The following SLC5A1 variants were observed in gnomAD, a reference collection of about 807,000 sequenced individuals.
The protein encoded by SLC5A1 is sodium/glucose cotransporter 1.
A neutral mutation model predicts 73.5 loss-of-function variants in SLC5A1; 42 were observed. The observed-to-expected ratio is 0.57, with a 90% CI of 0.45 to 0.74. The LOEUF is 0.74. Ranked by LOEUF, SLC5A1 falls within the 30% of genes least tolerant of loss-of-function variation. The pLI is 0.00. For missense variants in SLC5A1, 634 were observed against 855.4 expected (o/e 0.74, Z 3.23); for synonymous variants, 300 against 317.4 (o/e 0.95, Z 0.58).
chr22:32,097,212 A>G (rs2094027676), intron 11 of SLC5A1, among the ~76,000 whole-genome samples: 2 of 152,200 alleles, frequency 1.3e-5, no homozygotes, highest in South Asian at 4.1e-4. Flanking sequence ...AACCATTCCA[A>G]ACTCTGCTGT....
In SLC5A1 at chr22:32,081,991, C is replaced by T. The variant is rs757295052; in HGVS notation, c.583+20C>T. The T allele has an allele frequency of 1.3e-6, 2 of 1,502,882 alleles. No homozygotes were observed. Among genetic ancestry groups the T allele is most frequent in the Non-Finnish European group, 1.9e-6 (2 of 1,078,636 alleles). The allele number at this position is 1,502,882 out of a possible 1,614,324, so 93.1% of individuals were successfully genotyped here. On this transcript the variant is annotated intron_variant, in intron 6 of 14. Transcript: ENST00000266088. ...TTACAGGTGAGTCCATTCAAATAAA[C>T]CAGCACCTCAAACCCAGCTCGGGAT...
At chr22:32,083,177 G>A (rs762425753) in intron 7 of SLC5A1, 23 bp downstream of exon 7, 1 of 1,599,666 alleles carries the variant, frequency 6.3e-7, no homozygotes, top group Non-Finnish European at 8.6e-7. Flanking sequence ...AGGGCAGGCT[G>A]AGGAGGTGGG....
At chr22:32,069,397 G>A (rs2093979300) in intron 5 of SLC5A1, among the ~76,000 whole-genome samples, 1 of 152,020 alleles carries the variant, frequency 6.6e-6, no homozygotes, top group African/African-American at 2.4e-5. Context: ...TTGAAAATCA[G>A]AGAAAGATTT....
intron 10 of SLC5A1, 58 bp from the exon 11 acceptor site, chr22:32,091,554 C>T (rs1416617683): frequency 6.3e-7 from 1 of 1,596,812 alleles, no homozygotes; most frequent in Non-Finnish European, 8.6e-7. Context: ...ATATATTTTT[C>T]AAGTACAAAA....
chr22:32,081,854 C>T lies in SLC5A1; in HGVS notation c.478-12C>T, dbSNP rs1447609181. Reference sequence around the variant, plus strand: ...ACTCTCCCTCCTAACTCCGCCTCTCCTCTCCTTCCAGGCAGACATCTTCTC... The same window carrying T: ...ACTCTCCCTCCTAACTCCGCCTCTCTTCTCCTTCCAGGCAGACATCTTCTC... On this transcript the variant is annotated splice_polypyrimidine_tract_variant and intron_variant, in intron 5 of 14. Coordinates refer to ENST00000266088, the MANE Select transcript of SLC5A1 (RefSeq NM_000343.4). The T allele has an allele frequency of 2.5e-6, 4 of 1,590,750 alleles. No individual in the cohort carries two copies. In the East Asian group the frequency reaches 8.9e-5, roughly 36 times the overall value.
chr22:32,075,205 T>A (rs1020677866), intron 5 of SLC5A1, among the ~76,000 whole-genome samples: 17 of 150,188 alleles, frequency 1.1e-4, no homozygotes, highest in Non-Finnish European at 1.5e-4. Context: ...AGCCACCACA[T>A]CTGGCTGGGA....
rs146612147 is a variant in SLC5A1 at position 32,086,213 on chromosome 22, T to C, written c.1022-7T>C. ...GCTTGCTGACGTGGCTCTCCATCTC[T>C]TCCCAGAAAAAATTGCCTGTGTCGT... On this transcript the variant is annotated splice_region_variant and splice_polypyrimidine_tract_variant and intron_variant, in intron 9 of 14. Coordinates refer to ENST00000266088, the MANE Select transcript of SLC5A1 (RefSeq NM_000343.4). The C allele has an allele frequency of 5.6e-6, 9 of 1,595,254 alleles. No individual in the cohort carries two copies. The highest frequency in any genetic ancestry group is 4.5e-5 in the East Asian group (2 of 44,780).
At chr22:32,068,438 C>T in intron 4 of SLC5A1, 58 bp from the exon 5 acceptor site, 2 of 1,026,172 alleles carry the variant, frequency 1.9e-6, no homozygotes, top group Non-Finnish European at 3.1e-6. Context: ...ACTGTTCTGT[C>T]TGCTCTGGGC....
intron 2 of SLC5A1, among the ~76,000 whole-genome samples, chr22:32,054,863 C>G (rs2093949479): frequency 1.3e-5 from 2 of 152,014 alleles, no homozygotes; most frequent in Admixed American, 6.6e-5. Context: ...TTAGTAGAGA[C>G]AGGGTTTCAC....
In SLC5A1 at chr22:32,084,472, T is replaced by A; in HGVS notation, c.698T>A (p.Met233Lys). ...GAAGTGGGAGGCTATGACGCCTTCA[T>A]GGAAAAGTACATGAAAGCCATTCCA... ...FHEVGGYDAF[M>K]EKYMKAIPTI... The change falls in exon 8 of 15, where the codon ATG becomes AAG. Residue 233 changes from methionine (M) to lysine (K), a missense_variant. Physicochemically the swap from Met to Lys is moderately conservative, Grantham distance 95 (BLOSUM62 -1). Transcript: ENST00000266088. The A allele has an allele frequency of 6.2e-7, 1 of 1,614,260 alleles. No individual in the cohort carries two copies. Among genetic ancestry groups the A allele is most frequent in the South Asian group, 1.1e-5 (1 of 91,088 alleles).
In SLC5A1 at chr22:32,110,081, T is replaced by G; in HGVS notation, c.1863T>G (p.Thr621=). 1 of 1,614,062 alleles carries G rather than the reference T, an allele frequency of 6.2e-7. No individual in the cohort carries two copies. Among genetic ancestry groups the G allele is most frequent in the Non-Finnish European group, 8.5e-7 (1 of 1,179,950 alleles). Residue 621 remains threonine (T), a synonymous_variant, in exon 15 of 15, where the codon ACT becomes ACG. Coordinates refer to ENST00000266088, the MANE Select transcript of SLC5A1 (RefSeq NM_000343.4). ...GLEQHGAPKM[T]EEEEKAMKMK... ...AGCAGCACGGTGCACCCAAGATGACTGAGGAAGAGGAGAAAGCCATGAAGA... is the reference window on the plus strand; with the variant it reads ...AGCAGCACGGTGCACCCAAGATGACGGAGGAAGAGGAGAAAGCCATGAAGA...
intron 2 of SLC5A1, among the ~76,000 whole-genome samples, chr22:32,054,400 T>C (rs1456842005): frequency 2.6e-5 from 4 of 152,170 alleles, no homozygotes; most frequent in Non-Finnish European, 2.9e-5. Flanking sequence ...AATAGTTAAG[T>C]GCTCAGAAGA....
At position 32,053,065 on chromosome 22, in the gene SLC5A1, A is replaced by G. The variant is rs927795899; in HGVS notation, c.207+3051A>G. On this transcript the variant is annotated intron_variant, in intron 2 of 14. Coordinates refer to ENST00000266088, the MANE Select transcript of SLC5A1 (RefSeq NM_000343.4). Reference sequence around the variant, plus strand: ...AACTGGAAAAGGAAGCCTTAATCAGAGTTCCCAATTTCAGCCCACACTGGA... The same window carrying G: ...AACTGGAAAAGGAAGCCTTAATCAGGGTTCCCAATTTCAGCCCACACTGGA... Among the ~76,000 whole-genome samples, 67 of 152,192 alleles carry G rather than the reference A, an allele frequency of 4.4e-4. 2 individuals carry two copies. Among genetic ancestry groups the G allele is most frequent in the Admixed American group, 4.4e-3 (67 of 15,274 alleles).
chr22:32,043,403 C>T lies in SLC5A1; in HGVS notation c.122C>T (p.Ala41Val), dbSNP rs986712745. Residue 41 changes from alanine (A) to valine (V), a missense_variant, in exon 1 of 15, where the codon GCC becomes GTC. Ala to Val is a moderately conservative substitution (Grantham distance 64). This residue lies in a region of SLC5A1 where 422 missense variants were observed against 626.1 expected (regional missense o/e 0.67). Coordinates refer to ENST00000266088, the MANE Select transcript of SLC5A1 (RefSeq NM_000343.4). This position sits in a 1 kb window ranked among gnomAD's most constrained non-coding sequence, Gnocchi z 6.5. ...IIVIYFVVVM[A>V]VGLWAMFSTN... ...GTTATCTACTTCGTGGTAGTGATGG[C>T]CGTCGGACTGTGGGTATGCAGCGGG... The T allele has an allele frequency of 1.7e-5, 27 of 1,613,948 alleles. No individual in the cohort carries two copies. Among genetic ancestry groups the T allele is most frequent in the Non-Finnish European group, 2.2e-5 (26 of 1,179,932 alleles).
At chr22:32,107,557 G>C (rs2094048515) in intron 14 of SLC5A1, among the ~76,000 whole-genome samples, 1 of 152,228 alleles carries the variant, frequency 6.6e-6, no homozygotes, top group Non-Finnish European at 1.5e-5. Context: ...ATGCTCTGCT[G>C]TAAGAATTGT....
chr22:32,104,303 G>C (rs1210197417), intron 13 of SLC5A1, among the ~76,000 whole-genome samples: 1 of 152,168 alleles, frequency 6.6e-6, no homozygotes, highest in African/African-American at 2.4e-5. Context: ...TCAAGTATTT[G>C]GTTCATGCTC....
chr22:32,044,782 C>T (rs1171543129), intron 1 of SLC5A1, among the ~76,000 whole-genome samples: 1 of 152,110 alleles, frequency 6.6e-6, no homozygotes, highest in African/African-American at 2.4e-5. Context: ...ATGACTCCCC[C>T]ATGGTTGTGG....
At position 32,091,608 on chromosome 22, in the gene SLC5A1, C is replaced by T. The variant is rs1386673116; in HGVS notation, c.1130-4C>T. On this transcript the variant is annotated splice_polypyrimidine_tract_variant and splice_region_variant and intron_variant, in intron 10 of 14. Coordinates refer to ENST00000266088, the MANE Select transcript of SLC5A1 (RefSeq NM_000343.4). ...TGTGCCACTCAAAAATCCTTCTCTT[C>T]CAGGACTGCGAGGCCTGATGCTATC... is the stretch of plus-strand genomic sequence containing the variant. 2 of 1,614,074 alleles carry T rather than the reference C, an allele frequency of 1.2e-6. No homozygotes were observed. Among genetic ancestry groups the T allele is most frequent in the South Asian group, 2.2e-5 (2 of 91,078 alleles).
intron 1 of SLC5A1, among the ~76,000 whole-genome samples, chr22:32,049,677 G>C (rs1002269046): frequency 1.3e-5 from 2 of 151,964 alleles, no homozygotes; most frequent in Non-Finnish European, 2.9e-5. Context: ...GGAGTGACTT[G>C]CTGGAAGTGA....
Sources: allele counts gnomAD v4.1 joint callset (sites outside exome capture counted in the v4.1 genomes callset), GRCh38; gene constraint gnomAD v4.1.1; regional missense constraint gnomAD v4.1.1; non-coding constraint Gnocchi (gnomAD v3.1); transcripts MANE v1.5; gene names NCBI Gene and HGNC (gene_info 2026-07-23, HGNC 2026-07-21).